SLC16A1: variants seen among roughly 807,000 people sequenced by gnomAD.
SLC16A1 encodes solute carrier family 16 member 1.
SLC16A1 carries 11 observed loss-of-function variants against 32.2 expected under a neutral mutation model. The observed-to-expected ratio is 0.34, with a 90% CI of 0.21 to 0.56. SLC16A1 has a LOEUF of 0.56. Ranked by LOEUF, SLC16A1 falls within the 20% of genes least tolerant of loss-of-function variation. SLC16A1 has a pLI of 0.87. For synonymous variants in SLC16A1, 231 were observed against 226.8 expected, an observed-to-expected ratio of 1.02 and a Z score of -0.17; for missense variants, 435 against 615.0, an observed-to-expected ratio of 0.71 and a Z score of 3.10.
At chr1:112,923,580 G>A (rs1207703128) in intron 2 of SLC16A1, 5 of 1,342,084 alleles carry the variant, frequency 3.7e-6, no homozygotes, top group Non-Finnish European at 5.4e-6. Context: ...TGATACCAAG[G>A]CCAATCCATT....
chr1:112,938,243 T>G (rs1649376748), intron 1 of SLC16A1, among the ~76,000 whole-genome samples: 1 of 152,174 alleles, frequency 6.6e-6, no homozygotes, highest in Admixed American at 6.6e-5. Context: ...TTCAAACACA[T>G]GGAAACATTC....
At chr1:112,954,903 C>T (rs1650020345) in intron 1 of SLC16A1, among the ~76,000 whole-genome samples, 1 of 152,054 alleles carries the variant, frequency 6.6e-6, no homozygotes, top group Non-Finnish European at 1.5e-5. Context: ...TACTATTTAA[C>T]ACCTAACTAA....
At chr1:112,951,550 T>C (rs17030813) in intron 1 of SLC16A1, among the ~76,000 whole-genome samples, 3,781 of 152,250 alleles carry the variant, frequency 0.025, 163 homozygotes, top group African/African-American at 0.086. Flanking sequence ...AATCCTTTTA[T>C]AGCTAAAGAT....
At chr1:112,930,724 GT>G (rs536201953) in intron 1 of SLC16A1, among the ~76,000 whole-genome samples, 180 of 135,174 alleles carry the variant, frequency 1.3e-3, no homozygotes, top group Middle Eastern at 4.1e-3. Context: ...AACATTTTAG[GT>G]TTTTTTTTTT....
intron 3 of SLC16A1, among the ~76,000 whole-genome samples, chr1:112,919,116 C>T (rs1373403663): frequency 6.6e-6 from 1 of 151,910 alleles, no homozygotes; most frequent in African/African-American, 2.4e-5. Context: ...CTGCAACCTC[C>T]ACCTCCCGGG....
chr1:112,916,512 A>C (rs1390318159), intron 4 of SLC16A1, among the ~76,000 whole-genome samples: 3 of 151,356 alleles, frequency 2.0e-5, no homozygotes, highest in African/African-American at 7.3e-5. Flanking sequence ...AAAAAAAAAA[A>C]AAAAAAAAAA....
At chr1:112,934,431 A>T (rs950414130) in intron 1 of SLC16A1, among the ~76,000 whole-genome samples, 1 of 152,240 alleles carries the variant, frequency 6.6e-6, no homozygotes, top group Non-Finnish European at 1.5e-5. Flanking sequence ...GCAGTATGAG[A>T]TAACTTTTAG....
intron 2 of SLC16A1, among the ~76,000 whole-genome samples, chr1:112,928,808 C>T (rs1428985223): frequency 6.6e-6 from 1 of 152,102 alleles, no homozygotes; most frequent in Admixed American, 6.6e-5. Flanking sequence ...GCTGTGAATA[C>T]ATCATTTTTA....
intron 1 of SLC16A1, among the ~76,000 whole-genome samples, chr1:112,950,091 C>T (rs1018935613): frequency 4.6e-5 from 7 of 152,096 alleles, no homozygotes; most frequent in African/African-American, 1.7e-4. Context: ...GGTTTGTTGC[C>T]TACACTCATA....
intron 2 of SLC16A1, among the ~76,000 whole-genome samples, chr1:112,925,486 C>T (rs1293226610): frequency 1.3e-5 from 2 of 151,872 alleles, no homozygotes; most frequent in African/African-American, 4.8e-5. Context: ...CTCATTCAAT[C>T]TGCCTGCCCA....
intron 1 of SLC16A1, among the ~76,000 whole-genome samples, chr1:112,932,410 G>A (rs1649163599): frequency 6.6e-6 from 1 of 152,178 alleles, no homozygotes; most frequent in Non-Finnish European, 1.5e-5. Context: ...GTACACATCT[G>A]TAGTCCTAGC....
intron 2 of SLC16A1, chr1:112,923,868 G>A (rs890860876): frequency 6.2e-5 from 94 of 1,516,900 alleles, no homozygotes; most frequent in Non-Finnish European, 7.2e-5. Context: ...CATGTACAAC[G>A]CCACCACCCA....
At chr1:112,919,460 G>C (rs940200113) in intron 3 of SLC16A1, among the ~76,000 whole-genome samples, 2 of 152,086 alleles carry the variant, frequency 1.3e-5, no homozygotes, top group African/African-American at 2.4e-5. Flanking sequence ...TGATGGTGCA[G>C]AGGAAAAAGT....
At position 112,913,938 on chromosome 1, in the gene SLC16A1, G is replaced by A; in HGVS notation, c.1456C>T (p.Gln486Ter). The change falls in exon 5 of 5, where the codon CAG (glutamine) becomes TAG (stop). Residue 486 changes from glutamine (Q) to a stop codon, truncating the protein, a stop_gained. Coordinates refer to ENST00000369626, the MANE Select transcript of SLC16A1 (RefSeq NM_003051.4). LOFTEE classifies it high-confidence loss of function. Reference protein sequence around the residue: ...EVTKAAESPDQKDTDGGPKEE... With the variant: ...EVTKAAESPD ...TTGGGCCCTCCATCTGTGTCTTTCT[G>A]GTCCGGAGATTCTGCTGCTTTGGTA... is the stretch of plus-strand genomic sequence containing the variant. 1 of 1,614,116 alleles carries A rather than the reference G, an allele frequency of 6.2e-7. No homozygotes were observed. The highest frequency in any genetic ancestry group is 8.5e-7 in the Non-Finnish European group (1 of 1,180,018).
rs866851827 is a variant in SLC16A1 at position 112,938,073 on chromosome 1, T to C, written c.-44-8721A>G. On this transcript the variant is annotated intron_variant, in intron 1 of 4. Coordinates refer to ENST00000369626, the MANE Select transcript of SLC16A1 (RefSeq NM_003051.4). ...AGCTACAAAAGCCTTGAAAATAGTA[T>C]TCATCATGTTCTGTACACTTTCCTC... is the stretch of plus-strand genomic sequence containing the variant. Among the ~76,000 whole-genome samples, 9 of 152,306 alleles carry C rather than the reference T, an allele frequency of 5.9e-5. 1 individual carries two copies. In the Middle Eastern group the frequency reaches 0.014, roughly 230 times the overall value.
At chr1:112,924,167 C>G (rs1648849398) in intron 2 of SLC16A1, 1 of 1,480,816 alleles carries the variant, frequency 6.8e-7, no homozygotes, top group Non-Finnish European at 9.4e-7. Context: ...GGATGTACCA[C>G]CACTCACAGC....
At chr1:112,916,709 C>T (rs1208158573) in intron 4 of SLC16A1, among the ~76,000 whole-genome samples, 1 of 151,984 alleles carries the variant, frequency 6.6e-6, no homozygotes, top group Admixed American at 6.6e-5. Flanking sequence ...ACAAGTGGAT[C>T]GTTTGAGGTC....
intron 2 of SLC16A1, among the ~76,000 whole-genome samples, chr1:112,923,171 T>A (rs961228538): frequency 2.0e-5 from 3 of 151,510 alleles, no homozygotes; most frequent in African/African-American, 7.3e-5. Flanking sequence ...AATACAAAAT[T>A]AGCTGGGCGT....
At chr1:112,941,478 T>TCTCCATGTTGGTCAGGCTGGTCTCAAAC (rs1343949154) in intron 1 of SLC16A1, among the ~76,000 whole-genome samples, 9 of 152,120 alleles carry the variant, frequency 5.9e-5, no homozygotes, top group Non-Finnish European at 1.0e-4. Flanking sequence ...AGACGGGGTT[T>TCTCCATGTTGGTCAGGCTGGTCTCAAAC]CTCCATGTTG....
Sources: gnomAD v4.1 joint callset for allele counts (sites outside exome capture counted in the v4.1 genomes callset) on GRCh38, gnomAD v4.1.1 for gene constraint, MANE v1.5 for transcripts, NCBI Gene and HGNC (gene_info 2026-07-23, HGNC 2026-07-21) for gene names.